The following RMDN2 variants were observed in gnomAD, a reference collection of about 807,000 sequenced individuals.
RMDN2 encodes the protein regulator of microtubule dynamics protein 2.
In RMDN2, 61 loss-of-function variants were observed where a neutral mutation model predicts 52.8. That is an observed-to-expected ratio of 1.16 (90% CI 0.94 to 1.43). RMDN2 has a LOEUF of 1.43. Among genes scored for constraint, RMDN2 ranks in the 40% most tolerant of loss-of-function variants. The probability of loss-of-function intolerance (pLI) is 0.00; values close to 1 mark genes in which losing one functional copy is unlikely to be tolerated. For synonymous variants in RMDN2, 180 were observed against 153.1 expected (o/e 1.18, Z -1.30); for missense variants, 592 against 475.3 (o/e 1.25, Z -2.28).
At chr2:38,058,550 G>T (rs973778589) in intron 10 of RMDN2, among the ~76,000 whole-genome samples, 1 of 152,198 alleles carries the variant, frequency 6.6e-6, no homozygotes, top group Non-Finnish European at 1.5e-5. Context: ...CAAGGCAAAG[G>T]TGAAGGAGAA....
At chr2:37,940,475 G>A (rs1465647317) in intron 2 of RMDN2, among the ~76,000 whole-genome samples, 1 of 152,146 alleles carries the variant, frequency 6.6e-6, no homozygotes, top group East Asian at 1.9e-4. Flanking sequence ...CCTGAAGTGT[G>A]TTTTCCACCT....
chr2:38,059,660 A>C (rs1681964591), intron 10 of RMDN2, among the ~76,000 whole-genome samples: 1 of 152,198 alleles, frequency 6.6e-6, no homozygotes, highest in Admixed American at 6.5e-5. Context: ...TAATGTGGTC[A>C]GAGGAGGCTT....
In RMDN2 at chr2:37,938,104, T is replaced by G. The variant is rs186636441; in HGVS notation, c.452+8375T>G. 2.1e-3 allele frequency among the ~76,000 whole-genome samples: 319 copies of G among 152,232 alleles called. 2 individuals are homozygous for G. The highest frequency in any genetic ancestry group is 7.4e-3 in the African/African-American group (306 of 41,556). ...ATTGAGTGTTTTTAGCATGAAGGGG[T>G]GTTTTGAAGGCCTTTATTGAAGGCC... On this transcript the variant is annotated intron_variant, in intron 2 of 10. Coordinates refer to ENST00000354545, the MANE Select transcript of RMDN2 (RefSeq NM_001170791.3).
At chr2:38,039,083 C>T (rs1048560936) in intron 10 of RMDN2, among the ~76,000 whole-genome samples, 1 of 83,036 alleles carries the variant, frequency 1.2e-5, no homozygotes, top group Non-Finnish European at 2.2e-5. Context: ...CACACACACA[C>T]ACACACACAC....
chr2:37,960,688 C>T (rs1302748649), intron 2 of RMDN2, among the ~76,000 whole-genome samples: 1 of 152,182 alleles, frequency 6.6e-6, no homozygotes, highest in African/African-American at 2.4e-5. Context: ...AGCCCACTTA[C>T]ATTTAAGGTT....
downstream of RMDN2, among the ~76,000 whole-genome samples, chr2:38,019,075 GC>G (rs1161774471): frequency 6.6e-6 from 1 of 152,178 alleles, no homozygotes; most frequent in East Asian, 1.9e-4. Flanking sequence ...GCTAGATGGG[GC>G]AAGAGTCTTG....
At chr2:37,934,534 A>C (rs111399219) in intron 2 of RMDN2, among the ~76,000 whole-genome samples, 2 of 152,002 alleles carry the variant, frequency 1.3e-5, no homozygotes, top group Non-Finnish European at 2.9e-5. Context: ...TTACTGATTT[A>C]TTTATTTATA....
chr2:37,960,465 C>T (rs1004763476), intron 2 of RMDN2, among the ~76,000 whole-genome samples: 4 of 151,942 alleles, frequency 2.6e-5, no homozygotes, highest in African/African-American at 9.7e-5. Flanking sequence ...ATTGCAACCC[C>T]TGCTTTTTTT....
rs1675231809 is a variant in RMDN2 at position 37,994,404 on chromosome 2, T to C, written c.946-3012T>C. ...ACAGAGCTTTTCTCTTCCTCCATGA[T>C]GTCAGGCAGTCTTTATAACATTACC... On this transcript the variant is annotated intron_variant, in intron 7 of 10. Transcript: ENST00000354545. Among the ~76,000 whole-genome samples the C allele has an allele frequency of 1.3e-5, 2 of 152,198 alleles. 1 individual carries two copies. Among genetic ancestry groups the C allele is most frequent in the Admixed American group, 1.3e-4 (2 of 15,278 alleles).
intron 10 of RMDN2, chr2:38,033,040 G>C (rs1402824711): frequency 6.6e-6 from 1 of 152,074 alleles, no homozygotes; most frequent in African/African-American, 2.4e-5. Context: ...AATTTCAGTT[G>C]CTCCATGTTC....
intron 10 of RMDN2, among the ~76,000 whole-genome samples, chr2:38,035,175 A>G (rs887596055): frequency 6.6e-6 from 1 of 152,174 alleles, no homozygotes; most frequent in Non-Finnish European, 1.5e-5. Context: ...ACAAATACAG[A>G]TGGCAGCCAG....
At chr2:37,994,331 C>G (rs1055627496) in intron 7 of RMDN2, among the ~76,000 whole-genome samples, 2 of 152,330 alleles carry the variant, frequency 1.3e-5, no homozygotes, top group Admixed American at 6.5e-5. Context: ...TGAAAATAAA[C>G]TGTTACGGCC....
At chr2:38,061,492 A>G (rs943269782) in intron 10 of RMDN2, among the ~76,000 whole-genome samples, 14 of 151,804 alleles carry the variant, frequency 9.2e-5, no homozygotes, top group African/African-American at 3.4e-4. Context: ...TAATTATACT[A>G]TCTGGTAACT....
intron 2 of RMDN2, among the ~76,000 whole-genome samples, chr2:37,962,092 T>C (rs960633990): frequency 6.6e-6 from 1 of 152,220 alleles, no homozygotes; most frequent in African/African-American, 2.4e-5. Flanking sequence ...ACCCACCAGA[T>C]GCTGACTGGA....
At chr2:37,926,797 G>A (rs115586882) in intron 1 of RMDN2, among the ~76,000 whole-genome samples, 3,803 of 152,258 alleles carry the variant, frequency 0.025, 140 homozygotes, top group African/African-American at 0.087. Flanking sequence ...TTAGCCGGGC[G>A]TGGTTGCCCA....
At position 37,974,063 on chromosome 2, in the gene RMDN2, C is replaced by A. The variant is rs1405495607; in HGVS notation, c.476C>A (p.Thr159Lys). The A allele has an allele frequency of 3.1e-6, 5 of 1,610,170 alleles. No individual in the cohort carries two copies. Among genetic ancestry groups the A allele is most frequent in the Non-Finnish European group, 4.2e-6 (5 of 1,178,432 alleles). ...EGGYITANTD[T>K]EEQSFPVPKA... The stretch of plus-strand genomic sequence containing the variant: ...AGGTATATTACAGCTAATACTGACA[C>A]AGAAGAACAGAGTTTTCCAGTCCCT... Residue 159 changes from threonine (T) to lysine (K), a missense_variant, in exon 3 of 11, where the codon ACA becomes AAA. Thr to Lys is a moderately conservative substitution (Grantham distance 78). Transcript: ENST00000354545.
In RMDN2 at chr2:37,949,874, A is replaced by G. The variant is rs115045597; in HGVS notation, c.452+20145A>G. 7.8e-3 allele frequency: 1,192 copies of G among 153,718 alleles called. 10 individuals are homozygous for G. The highest frequency in any genetic ancestry group is 0.013 in the Non-Finnish European group (926 of 69,082). The allele number at this position is 153,718 out of a possible 1,614,324, so 9.5% of individuals were successfully genotyped here. A position where few individuals can be genotyped will look rare whatever the true frequency, so the allele number is the denominator to read the frequency against. On this transcript the variant is annotated intron_variant, in intron 2 of 10. Transcript: ENST00000354545. ...AAAGGACAGTGTTTCTTTTCTAATA[A>G]CTCTATTAACCTTGCATTTAGGTGA...
At chr2:37,958,243 C>T (rs1030044719) in intron 2 of RMDN2, among the ~76,000 whole-genome samples, 4 of 152,088 alleles carry the variant, frequency 2.6e-5, no homozygotes, top group African/African-American at 9.7e-5. Flanking sequence ...GGCAGTATGG[C>T]CATTTTCACA....
chr2:37,952,150 T>C (rs1229676654), intron 2 of RMDN2: 2 of 1,613,228 alleles, frequency 1.2e-6, no homozygotes, highest in East Asian at 2.2e-5. Context: ...GACTTTGCTG[T>C]CTTGTTTCAA....
Sources: gnomAD v4.1 joint callset for allele counts (sites outside exome capture counted in the v4.1 genomes callset) on GRCh38, gnomAD v4.1.1 for gene constraint, MANE v1.5 for transcripts, NCBI Gene and HGNC (gene_info 2026-07-23, HGNC 2026-07-21) for gene names.